Variants in C8orf34 observed in about 807,000 individuals in gnomAD.
The protein encoded by C8orf34 is chromosome 8 open reading frame 34.
In C8orf34, 65 loss-of-function variants were observed where a neutral mutation model predicts 68.3. The observed-to-expected ratio is 0.95, with a 90% CI of 0.78 to 1.17. The LOEUF (loss-of-function observed/expected upper bound fraction) is 1.17, where lower values mean the gene tolerates loss of function less well. Ranked by LOEUF, C8orf34 falls within the 50% of genes most tolerant of loss-of-function variation. C8orf34 has a pLI of 0.00. For missense variants in C8orf34, 664 were observed against 655.4 expected, an observed-to-expected ratio of 1.01 and a Z score of -0.14; for synonymous variants, 244 against 241.2, an observed-to-expected ratio of 1.01 and a Z score of -0.11.
At chr8:68,368,132 A>G (rs814462) in intron 1 of C8orf34, among the ~76,000 whole-genome samples, 101,044 of 151,896 alleles carry the variant, frequency 0.67, 34,757 homozygotes, top group African/African-American at 0.86. Flanking sequence ...CTAGGTGAAC[A>G]CAGTTTGTAG....
At chr8:68,353,991 C>T (rs907255518) in intron 1 of C8orf34, among the ~76,000 whole-genome samples, 6 of 151,860 alleles carry the variant, frequency 4.0e-5, no homozygotes, top group Admixed American at 6.6e-5. Context: ...CTGTATATAT[C>T]AAAACAAGAT....
intron 1 of C8orf34, among the ~76,000 whole-genome samples, chr8:68,435,572 G>T (rs1005113310): frequency 6.6e-6 from 1 of 152,180 alleles, no homozygotes; most frequent in African/African-American, 2.4e-5. Context: ...CCACAAGCTT[G>T]CTAGGAAGCT....
At position 68,818,876 on chromosome 8, in the gene C8orf34, A is replaced by G. The variant is rs1453144968; in HGVS notation, c.*630A>G. 1 of 152,208 alleles carries G rather than the reference A, an allele frequency of 6.6e-6. No individual in the cohort carries two copies. Among genetic ancestry groups the G allele is most frequent in the Non-Finnish European group, 1.5e-5 (1 of 68,028 alleles). The allele number at this position is 152,208 out of a possible 1,614,324, so 9.4% of individuals were successfully genotyped here. ...AGGAATGAAATGCATGGCCCAAAAC[A>G]TAGAAAATGAAAATCGTTTGACCAT... On this transcript the variant is annotated 3_prime_UTR_variant, in exon 14 of 14. Transcript: ENST00000518698.
rs576587352 is a variant in C8orf34 at position 68,367,755 on chromosome 8, G to C, written c.327+36416G>C. ...CACACTCTGGGGACTGTGGTGGGGT[G>C]GGGGGAGGGGGGATGGATAGCATTG... On this transcript the variant is annotated intron_variant, in intron 1 of 13. Coordinates refer to ENST00000518698, the MANE Select transcript of C8orf34 (RefSeq NM_052958.4). 1.5e-4 allele frequency among the ~76,000 whole-genome samples: 19 copies of C among 123,956 alleles called. No individual in the cohort carries two copies. The South Asian group carries it at 4.9e-3, about 32-fold the overall frequency. 81.3% of individuals were successfully genotyped at this position (123,956 alleles called of 152,430 possible).
chr8:68,519,123 T>C (rs1258225703), intron 5 of C8orf34, among the ~76,000 whole-genome samples: 1 of 152,186 alleles, frequency 6.6e-6, no homozygotes, highest in East Asian at 1.9e-4. Flanking sequence ...TCCCATTTAA[T>C]AGAAGTGACT....
At chr8:68,804,642 C>A (rs1824431367) in intron 12 of C8orf34, among the ~76,000 whole-genome samples, 1 of 151,900 alleles carries the variant, frequency 6.6e-6, no homozygotes, top group African/African-American at 2.4e-5. Flanking sequence ...AAATTAGGTG[C>A]ATATCTGTAT....
chr8:68,684,602 TTAATCTC>T lies in C8orf34; in HGVS notation c.1242-24390_1242-24384del, dbSNP rs559486032. ...TTTGTGCCACATTAATTGTCTGACT[TTAATCTC>T]TGACATTATATATGATTTCTGAGAA... On this transcript the variant is annotated intron_variant, in intron 8 of 13. Transcript: ENST00000518698. Among the ~76,000 whole-genome samples, 240 of 152,232 alleles carry T rather than the reference TTAATCTC, an allele frequency of 1.6e-3. 3 individuals carry two copies. The highest frequency in any genetic ancestry group is 5.5e-3 in the African/African-American group (229 of 41,566).
intron 7 of C8orf34, among the ~76,000 whole-genome samples, chr8:68,613,913 AG>A (rs1818108347): frequency 6.6e-6 from 1 of 152,084 alleles, no homozygotes; most frequent in South Asian, 2.1e-4. Flanking sequence ...CCAACAGTGT[AG>A]AAGTGTTCCT....
At chr8:68,426,634 A>G (rs2129624288) in intron 1 of C8orf34, among the ~76,000 whole-genome samples, 1 of 152,036 alleles carries the variant, frequency 6.6e-6, no homozygotes, top group East Asian at 1.9e-4. Context: ...AATGCAAATG[A>G]ACTCTCAAAA....
intron 5 of C8orf34, among the ~76,000 whole-genome samples, chr8:68,513,748 A>G (rs1341036816): frequency 6.6e-6 from 1 of 152,224 alleles, no homozygotes; most frequent in African/African-American, 2.4e-5. Context: ...CAGTGGCAGC[A>G]CATGGCTGGG....
intron 1 of C8orf34, among the ~76,000 whole-genome samples, chr8:68,352,822 C>A (rs1166685628): frequency 2.0e-5 from 3 of 152,058 alleles, no homozygotes; most frequent in Non-Finnish European, 4.4e-5. Context: ...GCAAATTATA[C>A]AAGATGGTCA....
At chr8:68,810,686 G>T (rs1210147374) in intron 12 of C8orf34, among the ~76,000 whole-genome samples, 2 of 152,124 alleles carry the variant, frequency 1.3e-5, no homozygotes, top group East Asian at 3.9e-4. Flanking sequence ...TTTATGGAGT[G>T]CCAGGATAGC....
chr8:68,704,084 C>T (rs1245268549), intron 8 of C8orf34, among the ~76,000 whole-genome samples: 1 of 152,104 alleles, frequency 6.6e-6, no homozygotes, highest in South Asian at 2.1e-4. Flanking sequence ...ATATACCAAG[C>T]TCTATCTAAG....
intron 5 of C8orf34, among the ~76,000 whole-genome samples, chr8:68,507,863 T>G (rs774640711): frequency 2.3e-4 from 35 of 152,196 alleles, no homozygotes; most frequent in Non-Finnish European, 5.1e-4. Context: ...TATCCGTAAT[T>G]ATTTTTAAGA....
rs919358326 is a variant in C8orf34, at chr8:68,591,272, C to T, written c.1106-49104C>T. 7.2e-5 allele frequency among the ~76,000 whole-genome samples: 11 copies of T among 151,994 alleles called. 1 individual carries two copies. Among genetic ancestry groups the T allele is most frequent in the South Asian group, 6.2e-4 (3 of 4,820 alleles). On this transcript the variant is annotated intron_variant, in intron 7 of 13. Coordinates refer to ENST00000518698, the MANE Select transcript of C8orf34 (RefSeq NM_052958.4). ...CTTCTTCCATTAGTAGGGTAGAGAC[C>T]ATAAGAGGAAGATTAGATTTAAGAG...
chr8:68,647,428 C>A (rs2130764493), intron 8 of C8orf34, among the ~76,000 whole-genome samples: 1 of 152,316 alleles, frequency 6.6e-6, no homozygotes, highest in Admixed American at 6.5e-5. Flanking sequence ...TATGTTCCAG[C>A]AATCCCACTT....
intron 10 of C8orf34, among the ~76,000 whole-genome samples, chr8:68,758,452 A>G (rs979573557): frequency 4.6e-5 from 7 of 152,190 alleles, no homozygotes; most frequent in Non-Finnish European, 1.0e-4. Flanking sequence ...CGTACTCCTT[A>G]GTCTGCAGTG....
chr8:68,640,701 A>G (rs1170375058), intron 8 of C8orf34, among the ~76,000 whole-genome samples, 190 bp downstream of exon 8: 1 of 152,210 alleles, frequency 6.6e-6, no homozygotes, highest in Admixed American at 6.5e-5. Context: ...ACCAACAATG[A>G]ATCAAAGAGT....
At chr8:68,777,691 T>C (rs1031167907) in intron 11 of C8orf34, among the ~76,000 whole-genome samples, 1 of 152,220 alleles carries the variant, frequency 6.6e-6, no homozygotes, top group African/African-American at 2.4e-5. Context: ...TGCTCTGCCA[T>C]AAAGTGTCTT....
Sources: gnomAD v4.1 joint callset for allele counts (sites outside exome capture counted in the v4.1 genomes callset) on GRCh38, gnomAD v4.1.1 for gene constraint, MANE v1.5 for transcripts, NCBI Gene and HGNC (gene_info 2026-07-23, HGNC 2026-07-21) for gene names.